Variants in PCDHGB2 observed in about 807,000 individuals in gnomAD.
The protein encoded by PCDHGB2 is protocadherin gamma-B2.
In PCDHGB2, 55 loss-of-function variants were observed where a neutral mutation model predicts 59.3. The observed-to-expected ratio is 0.93, with a 90% CI of 0.75 to 1.16. The LOEUF is 1.16. PCDHGB2 is among the 50% of genes most tolerant of loss of function. The pLI is 0.00. For missense variants in PCDHGB2, 1,228 were observed against 1,198.5 expected, an observed-to-expected ratio of 1.02 and a Z score of -0.36; for synonymous variants, 516 against 512.0, an observed-to-expected ratio of 1.01 and a Z score of -0.11.
chr5:141,439,796 G>A (rs980000701), intron 1 of PCDHGB2: 1 of 152,318 alleles, frequency 6.6e-6, no homozygotes. Flanking sequence ...AATCCAAGAA[G>A]AGTTTGAAAA....
intron 1 of PCDHGB2, chr5:141,388,273 C>G: frequency 6.3e-7 from 1 of 1,597,470 alleles, no homozygotes; most frequent in East Asian, 2.3e-5. Context: ...AATGACCACA[C>G]GCCAAAATTC....
intron 1 of PCDHGB2, chr5:141,419,142 G>A (rs1351034238): frequency 6.2e-7 from 1 of 1,613,902 alleles, no homozygotes; most frequent in Non-Finnish European, 8.5e-7. Context: ...ACAGACAGGG[G>A]CAAGCCTCCG....
At chr5:141,405,353 AT>A in intron 1 of PCDHGB2, 3 of 1,614,026 alleles carry the variant, frequency 1.9e-6, no homozygotes, top group Non-Finnish European at 2.5e-6. Context: ...CAAGTTTCCT[AT>A]AGAAGACACC....
chr5:141,445,224 G>A (rs1016307216), intron 1 of PCDHGB2, among the ~76,000 whole-genome samples: 6 of 152,194 alleles, frequency 3.9e-5, no homozygotes, highest in Admixed American at 2.0e-4. Context: ...GAGGTGCAAA[G>A]TGCTCTATTC....
chr5:141,389,622 G>C, intron 1 of PCDHGB2: 1 of 1,612,970 alleles, frequency 6.2e-7, no homozygotes, highest in South Asian at 1.1e-5. Context: ...GCCGCACGCT[G>C]CAGAGCCTGG....
Position 141,362,044 on chromosome 5 carries a change from G to C in PCDHGB2, c.1909G>C (p.Ala637Pro), listed in dbSNP as rs571731822. The change falls in exon 1 of 4, where the codon GCG (alanine) becomes CCG (proline). Residue 637 changes from alanine to proline, a missense_variant. By Grantham distance (27) the Ala-to-Pro change is conservative. This residue lies in a region of PCDHGB2 where 433 missense variants were observed against 441.8 expected (regional missense o/e 0.98). Coordinates refer to ENST00000522605, the MANE Select transcript of PCDHGB2 (RefSeq NM_018923.3). ...RTARALGDRD[A>P]ARQRLLVAVR... is the part of the protein sequence containing the mutation. ...AGCGCGTGCCTTGGGCGACAGGGAC[G>C]CGGCCCGCCAGCGCCTGCTGGTCGC... 46 of 1,610,576 alleles carry C rather than the reference G, an allele frequency of 2.9e-5. No homozygotes were observed. The East Asian group carries it at 9.8e-4, about 34-fold the overall frequency.
chr5:141,399,711 A>G (rs1232938340), intron 1 of PCDHGB2: 5 of 1,613,236 alleles, frequency 3.1e-6, no homozygotes, highest in African/African-American at 1.3e-5. Context: ...AACTCACACT[A>G]CAGGCCCGCG....
At chr5:141,451,179 T>C (rs1039062167) in intron 1 of PCDHGB2, among the ~76,000 whole-genome samples, 6 of 152,162 alleles carry the variant, frequency 3.9e-5, no homozygotes, top group Non-Finnish European at 8.8e-5. Flanking sequence ...TATTTAGCCA[T>C]TGCTGTGTAA....
chr5:141,505,645 G>A (rs997169182), intron 3 of PCDHGB2, 164 bp downstream of exon 3: 2 of 964,274 alleles, frequency 2.1e-6, no homozygotes, highest in African/African-American at 1.8e-5. Flanking sequence ...GCCTGGAATT[G>A]TGGCTAAGGA....
chr5:141,397,841 C>A (rs996938995), intron 1 of PCDHGB2: 31 of 520,424 alleles, frequency 6.0e-5, no homozygotes, highest in Middle Eastern at 4.9e-4. Context: ...AACTTGAAGC[C>A]GCAGAGGCTG....
intron 1 of PCDHGB2, among the ~76,000 whole-genome samples, chr5:141,406,468 T>C (rs2094813433): frequency 6.6e-6 from 1 of 152,230 alleles, no homozygotes; most frequent in Admixed American, 6.5e-5. Flanking sequence ...AACACCTCTT[T>C]GAGGTTATAT....
chr5:141,438,721 G>A (rs886300746), intron 1 of PCDHGB2, among the ~76,000 whole-genome samples: 30 of 148,304 alleles, frequency 2.0e-4, no homozygotes, highest in Non-Finnish European at 7.4e-5. Flanking sequence ...AGTGCAAGTG[G>A]TGTGATCTCA....
At chr5:141,374,602 T>G in intron 1 of PCDHGB2, 1 of 1,613,652 alleles carries the variant, frequency 6.2e-7, no homozygotes, top group Non-Finnish European at 8.5e-7. Flanking sequence ...TTAAGCTCAG[T>G]GGTAATAGTC....
chr5:141,503,417 A>T (rs1431276679), intron 2 of PCDHGB2, among the ~76,000 whole-genome samples: 2 of 151,968 alleles, frequency 1.3e-5, no homozygotes, highest in Non-Finnish European at 2.9e-5. Flanking sequence ...CAATATGGTG[A>T]AACCCCATCT....
intron 1 of PCDHGB2, among the ~76,000 whole-genome samples, chr5:141,473,661 G>T (rs935648567): frequency 2.6e-5 from 4 of 152,172 alleles, no homozygotes; most frequent in Non-Finnish European, 4.4e-5. Context: ...TTGTGTGAAG[G>T]CCCTGAGACA....
intron 1 of PCDHGB2, among the ~76,000 whole-genome samples, chr5:141,401,573 G>A (rs372919699): frequency 4.6e-5 from 7 of 152,128 alleles, no homozygotes; most frequent in East Asian, 3.9e-4. Context: ...TCTCTTGCTC[G>A]GAATCCTGAC....
At chr5:141,507,084 T>G (rs2099858284) in intron 3 of PCDHGB2, 1 of 152,142 alleles carries the variant, frequency 6.6e-6, no homozygotes, top group African/African-American at 2.4e-5. Flanking sequence ...ACTCCTAAGT[T>G]TATGCTCTTT....
At chr5:141,422,705 C>A in intron 1 of PCDHGB2, 1 of 1,602,702 alleles carries the variant, frequency 6.2e-7, no homozygotes, top group East Asian at 2.2e-5. Flanking sequence ...TACTCTCTGA[C>A]GGATGACACT....
At position 141,485,892 on chromosome 5, in the gene PCDHGB2, C is replaced by T; in HGVS notation, c.2422-8915C>T. On this transcript the variant is annotated intron_variant, in intron 1 of 3. Coordinates refer to ENST00000522605, the MANE Select transcript of PCDHGB2 (RefSeq NM_018923.3). The surrounding 1 kb of genome is among the most constrained non-coding windows in gnomAD (Gnocchi z 5.7). ...GTGCTGGACGTAAACGACAACGCCC[C>T]AGCCTTCCAGCAATCCAGCTACAGG... is the stretch of plus-strand genomic sequence containing the variant. 6.2e-7 allele frequency: 1 copy of T among 1,614,194 alleles called. No individual in the cohort carries two copies.
Sources: allele counts gnomAD v4.1 joint callset (sites outside exome capture counted in the v4.1 genomes callset), GRCh38; gene constraint gnomAD v4.1.1; regional missense constraint gnomAD v4.1.1; non-coding constraint Gnocchi (gnomAD v3.1); transcripts MANE v1.5; gene names NCBI Gene and HGNC (gene_info 2026-07-23, HGNC 2026-07-21).